Variants in FSIP1 observed in about 807,000 individuals in gnomAD.
FSIP1 encodes the protein fibrous sheath interacting protein 1.
FSIP1 carries 65 observed loss-of-function variants against 60.9 expected under a neutral mutation model. The ratio of observed to expected loss-of-function variants is 1.07; its 90% CI spans 0.87 to 1.31. The LOEUF (loss-of-function observed/expected upper bound fraction) is 1.31, where lower values mean the gene tolerates loss of function less well. Ranked by LOEUF, FSIP1 falls within the 40% of genes most tolerant of loss-of-function variation. FSIP1 has a pLI of 0.00. For synonymous variants in FSIP1, 209 were observed against 221.2 expected (o/e 0.94, Z 0.49); for missense variants, 675 against 665.5 (o/e 1.01, Z -0.16).
At chr15:39,726,224 T>C (rs922816188) in intron 9 of FSIP1, among the ~76,000 whole-genome samples, 4 of 151,984 alleles carry the variant, frequency 2.6e-5, no homozygotes, top group Non-Finnish European at 2.9e-5. Context: ...TGTGGTGGAG[T>C]AAGGGACAAT....
At chr15:39,650,025 C>G (rs574082223) in intron 10 of FSIP1, among the ~76,000 whole-genome samples, 1 of 152,376 alleles carries the variant, frequency 6.6e-6, no homozygotes, top group East Asian at 1.9e-4. Flanking sequence ...TGATTCCCCA[C>G]TCAGCGTCCT....
chr15:39,736,709 C>T (rs1442324576), intron 8 of FSIP1, among the ~76,000 whole-genome samples: 1 of 152,190 alleles, frequency 6.6e-6, no homozygotes, highest in African/African-American at 2.4e-5. Context: ...GATGTGGAAA[C>T]TAAGACAAGG....
chr15:39,705,288 A>G (rs767680735), intron 10 of FSIP1, among the ~76,000 whole-genome samples: 6 of 152,172 alleles, frequency 3.9e-5, no homozygotes, highest in Non-Finnish European at 7.4e-5. Context: ...AGGTATTTTT[A>G]CCTAACCCTA....
intron 9 of FSIP1, among the ~76,000 whole-genome samples, chr15:39,724,254 CTT>C (rs377351491): frequency 3.2e-4 from 45 of 141,796 alleles, no homozygotes; most frequent in African/African-American, 3.4e-4. Context: ...CATATTCATA[CTT>C]TTTTTTTTTT....
chr15:39,714,243 C>T (rs1476332764), intron 9 of FSIP1, among the ~76,000 whole-genome samples: 5 of 152,024 alleles, frequency 3.3e-5, no homozygotes, highest in Non-Finnish European at 7.4e-5. Context: ...AATGAAAGTA[C>T]TTCATTATTG....
intron 11 of FSIP1, among the ~76,000 whole-genome samples, chr15:39,607,274 T>G (rs1295097458): frequency 6.6e-6 from 1 of 152,220 alleles, no homozygotes; most frequent in East Asian, 1.9e-4. Context: ...ATTTTCCATC[T>G]CTGCCAGTGA....
intron 11 of FSIP1, among the ~76,000 whole-genome samples, chr15:39,608,633 G>A (rs377614943): frequency 6.6e-6 from 1 of 152,164 alleles, no homozygotes; most frequent in African/African-American, 2.4e-5. Flanking sequence ...TCTTTGGTGT[G>A]AAGAAAGCAA....
At chr15:39,724,312 C>A (rs1236953960) in intron 9 of FSIP1, among the ~76,000 whole-genome samples, 3 of 151,036 alleles carry the variant, frequency 2.0e-5, no homozygotes, top group Non-Finnish European at 2.9e-5. Flanking sequence ...CAGTGCATGG[C>A]ACGATCTTGG....
intron 11 of FSIP1, among the ~76,000 whole-genome samples, chr15:39,609,265 T>C (rs562083098): frequency 8.5e-5 from 13 of 152,242 alleles, no homozygotes; most frequent in African/African-American, 3.1e-4. Flanking sequence ...CTGCAGGAAG[T>C]ATAGTCAACT....
intron 8 of FSIP1, among the ~76,000 whole-genome samples, chr15:39,730,082 A>G (rs1327557725): frequency 2.6e-5 from 4 of 151,802 alleles, no homozygotes; most frequent in Non-Finnish European, 5.9e-5. Context: ...AAAAAATAAT[A>G]AACTTTGTTG....
chr15:39,646,025 A>C (rs1892590264), intron 10 of FSIP1, among the ~76,000 whole-genome samples: 1 of 152,120 alleles, frequency 6.6e-6, no homozygotes, highest in Non-Finnish European at 1.5e-5. Context: ...ACTGGCATGC[A>C]CTCTGTCCTC....
At chr15:39,766,163 G>GCGTA (rs1897679978) in intron 3 of FSIP1, among the ~76,000 whole-genome samples, 1 of 152,172 alleles carries the variant, frequency 6.6e-6, no homozygotes, top group South Asian at 2.1e-4. Flanking sequence ...GAAAGAGAAG[G>GCGTA]CGTGTACACA....
intron 10 of FSIP1, among the ~76,000 whole-genome samples, chr15:39,650,064 C>T (rs999818612): frequency 2.0e-5 from 3 of 152,208 alleles, no homozygotes; most frequent in African/African-American, 7.2e-5. Context: ...CATCAGCATT[C>T]GCAACCTGAA....
intron 8 of FSIP1, 117 bp downstream of exon 8, chr15:39,737,974 A>G: frequency 1.6e-6 from 1 of 612,826 alleles, no homozygotes; most frequent in Non-Finnish European, 2.7e-6. Flanking sequence ...TTTTAAAATC[A>G]AAGAATAATG....
intron 10 of FSIP1, among the ~76,000 whole-genome samples, chr15:39,644,336 T>A (rs1414031734): frequency 6.6e-6 from 1 of 152,160 alleles, no homozygotes; most frequent in Non-Finnish European, 1.5e-5. Context: ...AAAACGGCTG[T>A]TCCTGAGGTG....
At chr15:39,675,218 T>C (rs561692761) in intron 10 of FSIP1, among the ~76,000 whole-genome samples, 1 of 152,190 alleles carries the variant, frequency 6.6e-6, no homozygotes, top group East Asian at 1.9e-4. Flanking sequence ...TCTTAAATAT[T>C]GCTGGTAGGA....
At chr15:39,613,378 C>T (rs772320931) in intron 11 of FSIP1, among the ~76,000 whole-genome samples, 51 of 151,740 alleles carry the variant, frequency 3.4e-4, no homozygotes, top group Non-Finnish European at 6.3e-4. Context: ...GATTCCTGGA[C>T]ACATACATCC....
chr15:39,710,945 A>T (rs934340356), intron 10 of FSIP1, among the ~76,000 whole-genome samples: 1 of 152,126 alleles, frequency 6.6e-6, no homozygotes, highest in Non-Finnish European at 1.5e-5. Flanking sequence ...ATAACAACCA[A>T]CTCTTGACAT....
chr15:39,649,799 C>A (rs2140434074), intron 10 of FSIP1, among the ~76,000 whole-genome samples: 1 of 152,370 alleles, frequency 6.6e-6, no homozygotes, highest in Middle Eastern at 3.4e-3. Context: ...GCCTCTTCAA[C>A]TTTATTTCCA....
Sources: gnomAD v4.1 joint callset for allele counts (sites outside exome capture counted in the v4.1 genomes callset) on GRCh38, gnomAD v4.1.1 for gene constraint, MANE v1.5 for transcripts, NCBI Gene and HGNC (gene_info 2026-07-23, HGNC 2026-07-21) for gene names.